Variants in HPS3 observed in about 807,000 individuals in gnomAD.
The protein encoded by HPS3 is HPS3 biogenesis of lysosomal organelles complex 2 subunit 1.
HPS3 carries 79 observed loss-of-function variants against 110.9 expected under a neutral mutation model. That is an observed-to-expected ratio of 0.71 (90% CI 0.59 to 0.86). The LOEUF is 0.86. HPS3 is among the 40% of genes least tolerant of loss of function. The pLI is 0.00. For missense variants in HPS3, 1,197 were observed against 1,206.2 expected (o/e 0.99, Z 0.11); for synonymous variants, 428 against 451.0 (o/e 0.95, Z 0.65).
chr3:149,144,416 C>T lies in HPS3; in HGVS notation c.971-938C>T, dbSNP rs574547204. Reference sequence around the variant, plus strand: ...AAAATAAAAAAAATTTTGTTGATACCACCAGATATCCAGTAAGTGTTCACA... The same window carrying T: ...AAAATAAAAAAAATTTTGTTGATACTACCAGATATCCAGTAAGTGTTCACA... On this transcript the variant is annotated intron_variant, in intron 4 of 16. Coordinates refer to ENST00000296051, the MANE Select transcript of HPS3 (RefSeq NM_032383.5). Among the ~76,000 whole-genome samples the T allele has an allele frequency of 2.6e-5, 4 of 152,188 alleles. No homozygotes were observed. In the South Asian group the frequency reaches 8.3e-4, roughly 32 times the overall value.
rs769503746 is a variant in HPS3, at chr3:149,141,328, G to C, written c.918G>C (p.Leu306Phe). 61 of 1,611,708 alleles carry C rather than the reference G, an allele frequency of 3.8e-5. No homozygotes were observed. The highest frequency in any genetic ancestry group is 4.9e-5 in the Non-Finnish European group (58 of 1,179,550). Residue 306 changes from leucine (L) to phenylalanine (F), a missense_variant, in exon 4 of 17, where the codon TTG becomes TTC. Transcript: ENST00000296051. ...CTCCTGATATTTCGTCCTATGTCTT[G>C]TCTGATGACATCAAGCTACATTCCC... ...RFAPDISSYV[L>F]SDDIKLHSLQ...
At chr3:149,158,930 A>G in intron 10 of HPS3, 84 bp downstream of exon 10, 3 of 945,624 alleles carry the variant, frequency 3.2e-6, no homozygotes, top group South Asian at 1.6e-5. Flanking sequence ...TTTAGAAGTC[A>G]GATTCCAAAT....
intron 1 of HPS3, among the ~76,000 whole-genome samples, chr3:149,131,757 G>T (rs185909799): frequency 1.3e-5 from 2 of 152,316 alleles, no homozygotes; most frequent in Non-Finnish European, 2.9e-5. Flanking sequence ...AGGAAGGCAG[G>T]CGTGTCAGAA....
intron 12 of HPS3, 87 bp from the exon 13 acceptor site, chr3:149,162,603 A>G (rs536073694): frequency 7.3e-7 from 1 of 1,366,434 alleles, no homozygotes; most frequent in East Asian, 2.3e-5. Context: ...TGCGTGGCCC[A>G]TGTGATGCTG....
chr3:149,132,658 T>C (rs1721846291), intron 1 of HPS3, among the ~76,000 whole-genome samples: 1 of 152,260 alleles, frequency 6.6e-6, no homozygotes, highest in Admixed American at 6.5e-5. Flanking sequence ...AGTAGTAATT[T>C]TGACTTTCAA....
chr3:149,148,286 T>C (rs2108142736), intron 5 of HPS3, among the ~76,000 whole-genome samples: 1 of 152,264 alleles, frequency 6.6e-6, no homozygotes, highest in Non-Finnish European at 1.5e-5. Flanking sequence ...ATAGAGATTT[T>C]TTTAAGAAGC....
At chr3:149,130,311 G>A (rs1161938150) in intron 1 of HPS3, 1 of 279,828 alleles carries the variant, frequency 3.6e-6, no homozygotes, top group African/African-American at 2.2e-5. Flanking sequence ...GGAATAAGGA[G>A]ACTAGTACTG....
intron 5 of HPS3, among the ~76,000 whole-genome samples, chr3:149,149,698 T>A (rs1722986624): frequency 6.6e-6 from 1 of 152,186 alleles, no homozygotes; most frequent in Non-Finnish European, 1.5e-5. Flanking sequence ...CTAGTTTTTT[T>A]AAAAAGGGAG....
In HPS3 at chr3:149,140,272, G is replaced by A. The variant is rs139402303; in HGVS notation, c.486G>A (p.Lys162=). The A allele has an allele frequency of 2.5e-4, 397 of 1,614,018 alleles. No individual in the cohort carries two copies. Among genetic ancestry groups the A allele is most frequent in the Non-Finnish European group, 3.3e-4 (389 of 1,179,984 alleles). ...CTNKLVLFSL[K]YQIINEEFSL... is the part of the protein sequence containing the mutation. ...ATAAATTAGTCTTATTTAGTTTGAA[G>A]TACCAGATCATTAATGAGGAATTCT... The change falls in exon 2 of 17, where the codon AAG becomes AAA. Residue 162 remains lysine (K), a synonymous_variant. Transcript: ENST00000296051.
intron 2 of HPS3, 26 bp from the exon 3 acceptor site, chr3:149,140,991 G>A: frequency 6.2e-7 from 1 of 1,604,728 alleles, no homozygotes; most frequent in Non-Finnish European, 8.5e-7. Flanking sequence ...CATTCAAGCA[G>A]GACTGTTACA....
intron 14 of HPS3, among the ~76,000 whole-genome samples, chr3:149,165,653 C>G (rs1042089728): frequency 1.3e-5 from 2 of 152,032 alleles, no homozygotes; most frequent in Non-Finnish European, 1.5e-5. Flanking sequence ...TACTTTCAAA[C>G]TTCTTGATTA....
At position 149,173,376 on chromosome 3, in the gene HPS3, G is replaced by A. The variant is rs1156579380; in HGVS notation, c.*1154G>A. The stretch of plus-strand genomic sequence containing the variant: ...GAAAACATTTCAATGAACCTTAATA[G>A]TGTTCCTTTGAGGAGCACCCAGGAG... On this transcript the variant is annotated 3_prime_UTR_variant, in exon 17 of 17. Coordinates refer to ENST00000296051, the MANE Select transcript of HPS3 (RefSeq NM_032383.5). 1 of 188,598 alleles carries A rather than the reference G, an allele frequency of 5.3e-6. No homozygotes were observed. Among genetic ancestry groups the A allele is most frequent in the Non-Finnish European group, 1.1e-5 (1 of 92,026 alleles). The allele number at this position is 188,598 out of a possible 1,614,324, so 11.7% of individuals were successfully genotyped here.
Position 149,150,643 on chromosome 3 carries a change from C to T in HPS3, c.1208C>T (p.Ala403Val), listed in dbSNP as rs773950483. 8.1e-6 allele frequency: 13 copies of T among 1,613,950 alleles called. No homozygotes were observed. In the Admixed American group the frequency reaches 2.0e-4, roughly 25 times the overall value. Residue 403 changes from alanine to valine, a missense_variant, in exon 6 of 17, where the codon GCT becomes GTT. Ala to Val is a moderately conservative substitution (Grantham distance 64). Transcript: ENST00000296051. ...CFTVRCSAAA[A>V]REEDPYMDTT... Reference sequence around the variant, plus strand: ...ACTGTGCGGTGCAGTGCGGCGGCAGCTCGTGAGGAGGACCCGTACATGGAC... The same window carrying T: ...ACTGTGCGGTGCAGTGCGGCGGCAGTTCGTGAGGAGGACCCGTACATGGAC...
At chr3:149,140,992 G>C in intron 2 of HPS3, 25 bp from the exon 3 acceptor site, 1 of 1,606,026 alleles carries the variant, frequency 6.2e-7, no homozygotes, top group Non-Finnish European at 8.5e-7. Flanking sequence ...ATTCAAGCAG[G>C]ACTGTTACAT....
Position 149,141,002 on chromosome 3 carries a change from T to C in HPS3, c.713-15T>C. 1 of 1,611,938 alleles carries C rather than the reference T, an allele frequency of 6.2e-7. No homozygotes were observed. Among genetic ancestry groups the C allele is most frequent in the Non-Finnish European group, 8.5e-7 (1 of 1,178,050 alleles). On this transcript the variant is annotated splice_polypyrimidine_tract_variant and intron_variant, in intron 2 of 16. Transcript: ENST00000296051. The stretch of plus-strand genomic sequence containing the variant: ...TTTTCATTCAAGCAGGACTGTTACA[T>C]TTTATTTTTTTAAGGCATCAGTAAT...
intron 8 of HPS3, among the ~76,000 whole-genome samples, chr3:149,156,551 G>A (rs145022522): frequency 6.7e-6 from 1 of 149,640 alleles, no homozygotes; most frequent in East Asian, 1.9e-4. Context: ...TTTTTTTTGA[G>A]AGTATTCCTT....
In HPS3 at chr3:149,172,486, A is replaced by T. The variant is rs1018182911; in HGVS notation, c.*264A>T. On this transcript the variant is annotated 3_prime_UTR_variant, in exon 17 of 17. Coordinates refer to ENST00000296051, the MANE Select transcript of HPS3 (RefSeq NM_032383.5). Reference sequence around the variant, plus strand: ...GTCTTTAAGACATAAGAATTCCTCAAAGAAGCCATACATTTTTTAAGGTGG... The same window carrying T: ...GTCTTTAAGACATAAGAATTCCTCATAGAAGCCATACATTTTTTAAGGTGG... The T allele has an allele frequency of 3.1e-6, 1 of 327,688 alleles. No individual in the cohort carries two copies. The highest frequency in any genetic ancestry group is 2.1e-5 in the African/African-American group (1 of 46,888). The allele number at this position is 327,688 out of a possible 1,614,324, so 20.3% of individuals were successfully genotyped here. A position where few individuals can be genotyped will look rare whatever the true frequency, so the allele number is the denominator to read the frequency against.
intron 11 of HPS3, 124 bp from the exon 12 acceptor site, chr3:149,162,024 A>G (rs1242678287): frequency 1.2e-6 from 1 of 808,354 alleles, no homozygotes; most frequent in Non-Finnish European, 2.0e-6. Flanking sequence ...CAAAGAAAAA[A>G]TTGTGATTAA....
chr3:149,142,753 G>A (rs61304275), intron 4 of HPS3, among the ~76,000 whole-genome samples: 5,233 of 152,154 alleles, frequency 0.034, 177 homozygotes, highest in African/African-American at 0.081. Flanking sequence ...TTGCTCTTAC[G>A]GAGCTAATTG....
Sources: allele counts gnomAD v4.1 joint callset (sites outside exome capture counted in the v4.1 genomes callset), GRCh38; gene constraint gnomAD v4.1.1; transcripts MANE v1.5; gene names NCBI Gene and HGNC (gene_info 2026-07-23, HGNC 2026-07-21).